Variants in RYR3 observed in about 807,000 individuals in gnomAD.
The protein encoded by RYR3 is brain ryanodine receptor-calcium release channel.
Under a neutral mutation model 584.3 loss-of-function variants are expected in RYR3, and 207 were observed. The observed-to-expected ratio is 0.35, with a 90% CI of 0.32 to 0.40. The LOEUF is 0.40. RYR3 is among the 10% of genes least tolerant of loss of function. RYR3 has a pLI of 1.00. For missense variants in RYR3, 5,616 were observed against 6,089.2 expected (o/e 0.92, Z 2.59); for synonymous variants, 2,416 against 2,248.5 (o/e 1.07, Z -2.11).
intron 1 of RYR3, 108 bp from the exon 2 acceptor site, chr15:33,473,311 G>A (rs375234263): frequency 4.6e-5 from 59 of 1,275,744 alleles, no homozygotes; most frequent in Non-Finnish European, 6.0e-5. Flanking sequence ...CAAAAAGCAC[G>A]TGGCTGTCAG....
chr15:33,544,561 T>G (rs1176282682), intron 8 of RYR3, among the ~76,000 whole-genome samples: 1 of 152,186 alleles, frequency 6.6e-6, no homozygotes, highest in Non-Finnish European at 1.5e-5. Context: ...CTGGCTGATT[T>G]CAGATGCAAG....
chr15:33,323,581 T>C (rs1969296915), intron 1 of RYR3, among the ~76,000 whole-genome samples: 2 of 152,152 alleles, frequency 1.3e-5, no homozygotes. Flanking sequence ...GTTTATTTAC[T>C]ACAATTTCTA....
chr15:33,649,351 G>C, intron 31 of RYR3, 116 bp downstream of exon 31: 2 of 983,242 alleles, frequency 2.0e-6, no homozygotes, highest in South Asian at 3.3e-5. Flanking sequence ...CTTAAAAGGA[G>C]AAAATGAAGC....
At chr15:33,471,062 C>T (rs1427939198) in intron 1 of RYR3, among the ~76,000 whole-genome samples, 1 of 152,152 alleles carries the variant, frequency 6.6e-6, no homozygotes, top group African/African-American at 2.4e-5. Context: ...TAATCCCAAA[C>T]AGAATTCAGT....
chr15:33,844,822 C>G (rs1292144045), intron 92 of RYR3, 40 bp from the exon 93 acceptor site: 9 of 1,575,874 alleles, frequency 5.7e-6, no homozygotes, highest in African/African-American at 5.4e-5. Context: ...GGCTGAGGTT[C>G]TTTTTGATGT....
chr15:33,852,521 A>T (rs1381276445), intron 94 of RYR3: 1 of 155,410 alleles, frequency 6.4e-6, no homozygotes, highest in Non-Finnish European at 1.4e-5. Flanking sequence ...GTGGAAAAAC[A>T]CTCAGCTTAA....
chr15:33,727,593 G>A (rs909531115), intron 46 of RYR3, among the ~76,000 whole-genome samples: 1 of 152,184 alleles, frequency 6.6e-6, no homozygotes, highest in Non-Finnish European at 1.5e-5. Flanking sequence ...GCATGAGAGA[G>A]GAAGTCAATT....
intron 1 of RYR3, among the ~76,000 whole-genome samples, chr15:33,445,766 TA>T (rs1753118696): frequency 6.6e-6 from 1 of 151,320 alleles, no homozygotes; most frequent in African/African-American, 2.4e-5. Flanking sequence ...TTCAATGGTT[TA>T]TTTTTTTTTT....
chr15:33,523,489 C>T (rs903866232), intron 3 of RYR3, among the ~76,000 whole-genome samples: 8 of 152,210 alleles, frequency 5.3e-5, no homozygotes, highest in Non-Finnish European at 7.4e-5. Flanking sequence ...GCAAGGTCTG[C>T]GGCTTCATTC....
chr15:33,488,250 CTGTTCATT>C (rs1485013163), intron 2 of RYR3, among the ~76,000 whole-genome samples: 2 of 152,208 alleles, frequency 1.3e-5, no homozygotes, highest in Non-Finnish European at 1.5e-5. Context: ...CATAAGTCTG[CTGTTCATT>C]TGTCATTTAC....
intron 8 of RYR3, among the ~76,000 whole-genome samples, chr15:33,547,477 G>A (rs1231950128): frequency 1.3e-5 from 2 of 152,194 alleles, no homozygotes; most frequent in African/African-American, 2.4e-5. Context: ...ATAACATTGG[G>A]AGAAGCTGAG....
intron 12 of RYR3, among the ~76,000 whole-genome samples, chr15:33,569,499 T>C (rs2057904894): frequency 6.6e-6 from 1 of 152,192 alleles, no homozygotes; most frequent in Admixed American, 6.5e-5. Context: ...ACACAATATT[T>C]GTCCTTTTGT....
At chr15:33,674,900 T>G (rs1596096312) in intron 38 of RYR3, among the ~76,000 whole-genome samples, 1 of 132,586 alleles carries the variant, frequency 7.5e-6, no homozygotes, top group Non-Finnish European at 1.6e-5. Flanking sequence ...AAGAATAGAA[T>G]GGGTCAGAAT....
chr15:33,441,978 G>T (rs569761793), intron 1 of RYR3, among the ~76,000 whole-genome samples: 1 of 152,238 alleles, frequency 6.6e-6, no homozygotes, highest in East Asian at 1.9e-4. Context: ...TCACTTTTTG[G>T]ATTATCCATA....
intron 103 of RYR3, 104 bp from the exon 104 acceptor site, chr15:33,865,027 T>C (rs1890004137): frequency 1.3e-6 from 1 of 781,934 alleles, no homozygotes; most frequent in South Asian, 1.7e-5. Flanking sequence ...CTCATATAAA[T>C]TCACATCAGT....
At chr15:33,395,975 C>T (rs1254668007) in intron 1 of RYR3, among the ~76,000 whole-genome samples, 2 of 152,242 alleles carry the variant, frequency 1.3e-5, no homozygotes, top group East Asian at 1.9e-4. Context: ...TACAGAGGGC[C>T]GACTGTTTTT....
At chr15:33,857,972 C>G (rs2079878588) in intron 99 of RYR3, 58 bp downstream of exon 99, 2 of 1,602,840 alleles carry the variant, frequency 1.2e-6, no homozygotes, top group Non-Finnish European at 1.7e-6. Flanking sequence ...CCCGCCCCAC[C>G]ACCTCACTGG....
chr15:33,499,617 C>A lies in RYR3; in HGVS notation c.172-4014C>A, dbSNP rs60961720. 3.4e-3 allele frequency among the ~76,000 whole-genome samples: 517 copies of A among 152,266 alleles called. 3 individuals carry two copies. The highest frequency in any genetic ancestry group is 0.012 in the African/African-American group (491 of 41,538). ...TGACATTTGTTAAATATTTACTGTA[C>A]ACATCAGATCCTATTTTAAGCTGTT... On this transcript the variant is annotated intron_variant, in intron 2 of 103. Transcript: ENST00000634891.
intron 2 of RYR3, among the ~76,000 whole-genome samples, chr15:33,492,456 T>C (rs1210475735): frequency 9.6e-6 from 1 of 104,080 alleles, no homozygotes; most frequent in Non-Finnish European, 2.1e-5. Flanking sequence ...ATATTATTTC[T>C]CTCAAAGCAA....
Sources: allele counts gnomAD v4.1 joint callset (sites outside exome capture counted in the v4.1 genomes callset), GRCh38; gene constraint gnomAD v4.1.1; transcripts MANE v1.5; gene names NCBI Gene and HGNC (gene_info 2026-07-23, HGNC 2026-07-21).